Variants in WDR62 observed in about 807,000 individuals in gnomAD.
The protein encoded by WDR62 is WD repeat-containing protein 62.
In WDR62, 112 loss-of-function variants were observed where a neutral mutation model predicts 160.6. The observed-to-expected ratio is 0.70, with a 90% CI of 0.60 to 0.82. WDR62 has a LOEUF of 0.82. Among genes scored for constraint, WDR62 ranks in the 40% least tolerant of loss-of-function variants. The probability of loss-of-function intolerance (pLI) is 0.00; values close to 1 mark genes in which losing one functional copy is unlikely to be tolerated. For synonymous variants in WDR62, 792 were observed against 815.1 expected, an observed-to-expected ratio of 0.97 and a Z score of 0.48; for missense variants, 1,819 against 1,983.8, an observed-to-expected ratio of 0.92 and a Z score of 1.58.
intron 7 of WDR62, among the ~76,000 whole-genome samples, 180 bp downstream of exon 7, chr19:36,068,190 G>A (rs1265483985): frequency 6.6e-6 from 1 of 152,148 alleles, no homozygotes; most frequent in African/African-American, 2.4e-5. Context: ...CCTCCCCGCA[G>A]AGCTGATAAG....
At chr19:36,079,844 T>A (rs1339331686) in intron 9 of WDR62, among the ~76,000 whole-genome samples, 1 of 152,250 alleles carries the variant, frequency 6.6e-6, no homozygotes, top group Non-Finnish European at 1.5e-5. Flanking sequence ...ATTTTGTCAC[T>A]GAGTTTTGCT....
intron 22 of WDR62, among the ~76,000 whole-genome samples, chr19:36,100,515 T>C (rs1400768571): frequency 1.3e-5 from 2 of 152,226 alleles, no homozygotes; most frequent in South Asian, 2.1e-4. Flanking sequence ...GAACTTGATA[T>C]AAATAGACAC....
At chr19:36,075,829 A>G (rs931022664) in intron 9 of WDR62, 1 of 152,152 alleles carries the variant, frequency 6.6e-6, no homozygotes, top group East Asian at 1.9e-4. Context: ...TCTATAATTT[A>G]TTTTTATTAG....
At chr19:36,066,118 C>T in intron 4 of WDR62, 103 bp downstream of exon 4, 2 of 1,580,658 alleles carry the variant, frequency 1.3e-6, no homozygotes. Context: ...TAGCTCCTTC[C>T]TGGGCCAGAA....
In WDR62 at chr19:36,082,130, A is replaced by C. The variant is rs1366364692; in HGVS notation, c.1371+560A>C. ...ACGTCCATGCCAGGTGCTTGGCTAC[A>C]TGCTAGGGACACAACAGTGACTAAG... On this transcript the variant is annotated intron_variant, in intron 10 of 31. Coordinates refer to ENST00000401500, the MANE Select transcript of WDR62 (RefSeq NM_001083961.2). Among the ~76,000 whole-genome samples the C allele has an allele frequency of 3.0e-4, 46 of 152,224 alleles. 1 individual carries two copies. The highest frequency in any genetic ancestry group is 3.0e-3 in the Admixed American group (46 of 15,282).
chr19:36,071,625 C>T lies in WDR62; in HGVS notation c.952C>T (p.Arg318Cys), dbSNP rs1046543015. 2.5e-6 allele frequency: 4 copies of T among 1,614,226 alleles called. No individual in the cohort carries two copies. Among genetic ancestry groups the T allele is most frequent in the Admixed American group, 3.3e-5 (2 of 60,030 alleles). The change falls in exon 8 of 32, where the codon CGC becomes TGC. Residue 318 changes from arginine to cysteine, a missense_variant. Transcript: ENST00000401500. ...IFCGCTDGIV[R>C]IFQAHSLHYL... is the part of the protein sequence containing the mutation. ...CTGTGGCTGCACAGATGGGATAGTC[C>T]GCATCTTCCAGGCCCATAGCCTGCA...
At chr19:36,074,506 A>T (rs138815173) in intron 9 of WDR62, among the ~76,000 whole-genome samples, 1 of 152,088 alleles carries the variant, frequency 6.6e-6, no homozygotes, top group Non-Finnish European at 1.5e-5. Flanking sequence ...CAAAAAATAC[A>T]TAAAAATTAG....
At position 36,086,747 on chromosome 19, in the gene WDR62, A is replaced by AT. The variant is rs1972258431; in HGVS notation, c.1703_1704insT (p.Lys568AsnfsTer11). ...CTGATCCATGTGCTGAACGTGGAGA[A>AT]GAACTACAACCTGGAGCAGACGCTG... On this transcript the variant is annotated frameshift_variant, in exon 13 of 32. Transcript: ENST00000401500. LOFTEE classifies it high-confidence loss of function. 1 of 1,607,906 alleles carries AT rather than the reference A, an allele frequency of 6.2e-7. No individual in the cohort carries two copies. Among genetic ancestry groups the AT allele is most frequent in the Non-Finnish European group, 8.5e-7 (1 of 1,176,886 alleles).
At chr19:36,064,690 G>T (rs1037522665) in intron 3 of WDR62, among the ~76,000 whole-genome samples, 1 of 152,150 alleles carries the variant, frequency 6.6e-6, no homozygotes, top group Middle Eastern at 3.2e-3. Flanking sequence ...CAATTCTCCT[G>T]CCTCAGCCTC....
chr19:36,067,587 C>A, intron 6 of WDR62, 144 bp downstream of exon 6: 1 of 1,304,206 alleles, frequency 7.7e-7, no homozygotes. Context: ...GCTTCTGGGC[C>A]TACTCTCAGG....
chr19:36,082,008 G>T (rs973394439), intron 10 of WDR62: 11 of 367,888 alleles, frequency 3.0e-5, no homozygotes, highest in Non-Finnish European at 5.4e-5. Flanking sequence ...AAAGTTTGCT[G>T]AGGAAATTTT....
At chr19:36,093,117 G>A (rs577683547) in intron 19 of WDR62, among the ~76,000 whole-genome samples, 2 of 152,238 alleles carry the variant, frequency 1.3e-5, no homozygotes, top group African/African-American at 4.8e-5. Flanking sequence ...GATCACAGGT[G>A]TGAGCCACTG....
chr19:36,078,428 G>A (rs977189152), intron 9 of WDR62, among the ~76,000 whole-genome samples: 9 of 151,998 alleles, frequency 5.9e-5, no homozygotes, highest in Admixed American at 4.6e-4. Flanking sequence ...GATTACAGGC[G>A]TGAGCCACTG....
rs895608650 is a variant in WDR62, at chr19:36,105,099, C to T, written c.*71C>T. 5 of 1,530,914 alleles carry T rather than the reference C, an allele frequency of 3.3e-6. No homozygotes were observed. In the African/African-American group the frequency reaches 4.1e-5, roughly 12 times the overall value. 94.8% of individuals were successfully genotyped at this position (1,530,914 alleles called of 1,614,324 possible). On this transcript the variant is annotated 3_prime_UTR_variant, in exon 32 of 32. Transcript: ENST00000401500. ...GTATTTTAAGCGAATAAACTGACAGCTTTGAGGAATGGTTCCTGGTGTCTG... is the reference window on the plus strand; with the variant it reads ...GTATTTTAAGCGAATAAACTGACAGTTTTGAGGAATGGTTCCTGGTGTCTG...
At chr19:36,078,833 C>CA (rs748116998) in intron 9 of WDR62, among the ~76,000 whole-genome samples, 2,221 of 65,060 alleles carry the variant, frequency 0.034, 69 homozygotes, top group African/African-American at 0.086. Context: ...GAGACTCTGT[C>CA]AAAAAAAAAA....
At chr19:36,086,643 C>T (rs1972248128) in intron 12 of WDR62, 44 bp from the exon 13 acceptor site, 1 of 1,571,970 alleles carries the variant, frequency 6.4e-7, no homozygotes, top group East Asian at 2.3e-5. Context: ...GGCCAGGGCA[C>T]CCACGCAGCC....
Position 36,073,147 on chromosome 19 carries a change from G to T in WDR62, c.1044-195G>T, listed in dbSNP as rs10425692. 0.28 allele frequency among the ~76,000 whole-genome samples: 43,206 copies of T among 152,010 alleles called. 6,414 individuals are homozygous for T. Among genetic ancestry groups the T allele is most frequent in the Non-Finnish European group, 0.33 (22,113 of 67,968 alleles). ...CTCTCGGGGCCAGGCAAAAATTTCC[G>T]GTTTGTAGCCTCTATATGAAAAGCA... On this transcript the variant is annotated intron_variant, in intron 8 of 31. Transcript: ENST00000401500.
At chr19:36,101,586 C>A in intron 24 of WDR62, 78 bp from the exon 25 acceptor site, 2 of 1,138,318 alleles carry the variant, frequency 1.8e-6, no homozygotes, top group Non-Finnish European at 2.6e-6. Context: ...GGAAACTGAG[C>A]CCAGGGAAGG....
chr19:36,071,948 T>C (rs1333555775), intron 8 of WDR62, among the ~76,000 whole-genome samples: 2 of 152,076 alleles, frequency 1.3e-5, no homozygotes, highest in Non-Finnish European at 1.5e-5. Flanking sequence ...AGGAATAATA[T>C]CATTTCAGAT....
Sources: allele counts gnomAD v4.1 joint callset (sites outside exome capture counted in the v4.1 genomes callset), GRCh38; gene constraint gnomAD v4.1.1; transcripts MANE v1.5; gene names NCBI Gene and HGNC (gene_info 2026-07-23, HGNC 2026-07-21).